MGAT5: variants seen among roughly 807,000 people sequenced by gnomAD.
MGAT5 encodes alpha-1,6-mannosylglycoprotein 6-beta-N-acetylglucosaminyltransferase.
A neutral mutation model predicts 94.3 loss-of-function variants in MGAT5; 30 were observed. That is an observed-to-expected ratio of 0.32 (90% CI 0.24 to 0.43). The LOEUF (loss-of-function observed/expected upper bound fraction) is 0.43. Ranked by LOEUF, MGAT5 falls within the 20% of genes least tolerant of loss-of-function variation. The pLI, the probability that MGAT5 is intolerant of heterozygous loss-of-function variation, is 1.00. For missense variants in MGAT5, 691 were observed against 905.5 expected, an observed-to-expected ratio of 0.76 and a Z score of 3.04; for synonymous variants, 310 against 322.9, an observed-to-expected ratio of 0.96 and a Z score of 0.43.
chr2:134,392,281 A>G lies in MGAT5; in HGVS notation c.1381-10707A>G, dbSNP rs142115694. Among the ~76,000 whole-genome samples the G allele has an allele frequency of 3.9e-4, 60 of 152,298 alleles. 1 individual carries two copies. In the East Asian group the frequency reaches 0.011, roughly 29 times the overall value. ...GGAAGGTACTCTAATTAGAGTGATCACTTTTATTTTGCTATCTTCATGTTT... is the reference window on the plus strand; with the variant it reads ...GGAAGGTACTCTAATTAGAGTGATCGCTTTTATTTTGCTATCTTCATGTTT... On this transcript the variant is annotated intron_variant, in intron 10 of 15. Transcript: ENST00000281923.
chr2:134,157,680 C>T lies in MGAT5; in HGVS notation c.-143+37389C>T, dbSNP rs143651865. Among the ~76,000 whole-genome samples the T allele has an allele frequency of 7.5e-3, 1,142 of 152,028 alleles. 11 individuals carry two copies. Among genetic ancestry groups the T allele is most frequent in the African/African-American group, 0.025 (1,047 of 41,444 alleles). On this transcript the variant is annotated intron_variant, in intron 1 of 16. Coordinates refer to the MGAT5 transcript ENST00000409645. ...CATTGTAATATATAATGAAAAAATA[C>T]ACAACTCACCATAATGTAGAATCAG...
chr2:134,307,020 T>C (rs904282348), intron 2 of MGAT5, among the ~76,000 whole-genome samples: 11 of 152,142 alleles, frequency 7.2e-5, no homozygotes, highest in Non-Finnish European at 1.5e-4. Context: ...CCAGATAGTA[T>C]CTTACGAGAG....
At chr2:134,398,703 A>T (rs1198959735) in intron 10 of MGAT5, among the ~76,000 whole-genome samples, 1 of 151,580 alleles carries the variant, frequency 6.6e-6, no homozygotes, top group Non-Finnish European at 1.5e-5. Context: ...GGATGAATGG[A>T]TAAAGAAAAT....
intron 1 of MGAT5, among the ~76,000 whole-genome samples, chr2:134,127,811 C>T (rs989969385): frequency 1.3e-5 from 2 of 152,086 alleles, no homozygotes; most frequent in African/African-American, 4.8e-5. Flanking sequence ...AGTGTGCCTG[C>T]GTGGCTGGGT....
At chr2:134,307,560 T>C (rs1686404474) in intron 2 of MGAT5, among the ~76,000 whole-genome samples, 1 of 152,122 alleles carries the variant, frequency 6.6e-6, no homozygotes, top group Non-Finnish European at 1.5e-5. Context: ...TGATAAATTA[T>C]GTTCTGAGGC....
At chr2:134,441,147 A>G (rs947458907) in intron 14 of MGAT5, among the ~76,000 whole-genome samples, 2 of 152,196 alleles carry the variant, frequency 1.3e-5, no homozygotes, top group Non-Finnish European at 2.9e-5. Context: ...CTTGTTTTCA[A>G]CCAACCAGCA....
chr2:134,307,318 G>T (rs1407409238), intron 2 of MGAT5, among the ~76,000 whole-genome samples: 1 of 152,070 alleles, frequency 6.6e-6, no homozygotes, highest in Non-Finnish European at 1.5e-5. Flanking sequence ...TACAATGTTA[G>T]ATATAAACTC....
chr2:134,442,314 A>G (rs1297006657), intron 15 of MGAT5, among the ~76,000 whole-genome samples: 1 of 152,174 alleles, frequency 6.6e-6, no homozygotes, highest in Non-Finnish European at 1.5e-5. Context: ...CCAGGCCTCC[A>G]GCAGAGTCTG....
At chr2:134,367,776 G>A (rs1680528665) in intron 10 of MGAT5, among the ~76,000 whole-genome samples, 1 of 152,204 alleles carries the variant, frequency 6.6e-6, no homozygotes, top group African/African-American at 2.4e-5. Context: ...CTCTAGAGAT[G>A]GAGCTCCAGG....
intron 10 of MGAT5, among the ~76,000 whole-genome samples, chr2:134,397,582 G>T (rs1350598499): frequency 6.6e-6 from 1 of 152,178 alleles, no homozygotes; most frequent in Non-Finnish European, 1.5e-5. Context: ...AGATTTCTAA[G>T]GCCCCTATAA....
intron 1 of MGAT5, among the ~76,000 whole-genome samples, chr2:134,267,892 C>A (rs1408364590): frequency 6.6e-6 from 1 of 152,224 alleles, no homozygotes; most frequent in Non-Finnish European, 1.5e-5. Context: ...ATCCTGTAAC[C>A]TCTCTATCAC....
intron 1 of MGAT5, among the ~76,000 whole-genome samples, chr2:134,237,949 C>T (rs142793316): frequency 8.3e-4 from 127 of 152,204 alleles, no homozygotes; most frequent in African/African-American, 2.8e-3. Flanking sequence ...TGGTGTTTCA[C>T]CATGTTGGCC....
intron 12 of MGAT5, among the ~76,000 whole-genome samples, chr2:134,416,474 C>CTTTTTTTTTTTTTTTTTTTTTTTTTTT (rs71275904): frequency 7.2e-6 from 1 of 139,210 alleles, no homozygotes; most frequent in African/African-American, 2.7e-5. Context: ...TCATTCCTTA[C>CTTTTTTTTTTTTTTTTTTTTTTTTTTT]TTTTTTTTTT....
chr2:134,334,371 T>C (rs2105971032), intron 4 of MGAT5, among the ~76,000 whole-genome samples: 1 of 152,238 alleles, frequency 6.6e-6, no homozygotes, highest in East Asian at 1.9e-4. Context: ...TGATTTTCTT[T>C]AGTCTTGTTT....
chr2:134,379,172 T>G (rs186019501), intron 10 of MGAT5, among the ~76,000 whole-genome samples: 7 of 152,346 alleles, frequency 4.6e-5, no homozygotes, highest in Non-Finnish European at 1.0e-4. Context: ...GTCTACACTT[T>G]TGCTGTAATG....
chr2:134,307,629 C>A (rs1686411352), intron 2 of MGAT5, among the ~76,000 whole-genome samples: 1 of 152,098 alleles, frequency 6.6e-6, no homozygotes, highest in South Asian at 2.1e-4. Context: ...GTATTTCTTA[C>A]TACCCTACCC....
chr2:134,215,678 TG>T (rs1240929963), intron 1 of MGAT5, among the ~76,000 whole-genome samples: 2 of 152,188 alleles, frequency 1.3e-5, no homozygotes, highest in Non-Finnish European at 2.9e-5. Context: ...TAAACTTCCT[TG>T]TAAGTTTCAG....
At chr2:134,313,228 C>T (rs930866074) in intron 2 of MGAT5, among the ~76,000 whole-genome samples, 4 of 152,118 alleles carry the variant, frequency 2.6e-5, no homozygotes, top group African/African-American at 4.8e-5. Flanking sequence ...TGTCTCCACG[C>T]CTCACAGGAA....
intron 2 of MGAT5, among the ~76,000 whole-genome samples, chr2:134,288,083 C>A (rs1685120341): frequency 6.6e-6 from 1 of 152,216 alleles, no homozygotes; most frequent in African/African-American, 2.4e-5. Flanking sequence ...ATTTTGAATT[C>A]TCTTGCTGGT....
Sources: gnomAD v4.1 joint callset for allele counts (sites outside exome capture counted in the v4.1 genomes callset) on GRCh38, gnomAD v4.1.1 for gene constraint, MANE v1.5 for transcripts, NCBI Gene and HGNC (gene_info 2026-07-23, HGNC 2026-07-21) for gene names.